Variants in IDO2 observed in about 807,000 individuals in gnomAD.
The protein encoded by IDO2 is indoleamine 2,3-dioxygenase-like 1 protein.
In IDO2, 46 loss-of-function variants were observed where a neutral mutation model predicts 45.1. That is an observed-to-expected ratio of 1.02 (90% CI 0.80 to 1.30). IDO2 has a LOEUF of 1.30. Ranked by LOEUF, IDO2 falls within the 50% of genes most tolerant of loss-of-function variation. The pLI, the probability that IDO2 is intolerant of heterozygous loss-of-function variation, is 0.00. For synonymous variants in IDO2, 218 were observed against 184.9 expected, an observed-to-expected ratio of 1.18 and a Z score of -1.45; for missense variants, 544 against 491.8, an observed-to-expected ratio of 1.11 and a Z score of -1.00.
At chr8:40,015,561 A>G in exon 11 of IDO2, 2 of 1,613,874 alleles carry the variant, frequency 1.2e-6, no homozygotes, top group Non-Finnish European at 1.7e-6. Flanking sequence ...TAAGAGTGTC[A>G]GGGATAAGAC....
At chr8:39,963,428 C>A (rs1808029241) in intron 2 of IDO2, among the ~76,000 whole-genome samples, 180 bp from the exon 3 acceptor site, 1 of 152,170 alleles carries the variant, frequency 6.6e-6, no homozygotes, top group African/African-American at 2.4e-5. Flanking sequence ...CAATATGCTC[C>A]TTAGTCATCT....
chr8:39,955,033 C>G (rs914127396), intron 2 of IDO2, among the ~76,000 whole-genome samples: 1 of 151,086 alleles, frequency 6.6e-6, no homozygotes, highest in Non-Finnish European at 1.5e-5. Context: ...ACCCTAAAGG[C>G]CTCATTTCAA....
At chr8:39,964,976 C>T (rs1278583604) in intron 3 of IDO2, among the ~76,000 whole-genome samples, 1 of 152,170 alleles carries the variant, frequency 6.6e-6, no homozygotes, top group Non-Finnish European at 1.5e-5. Context: ...CAAGGGAAGC[C>T]TGGAACAGTT....
In IDO2 at chr8:39,982,843, T is replaced by G. The variant is rs527667035; in HGVS notation, c.434+73T>G. On this transcript the variant is annotated intron_variant, in intron 5 of 10. Transcript: ENST00000502986. ...AAACACCCAGGCTTTTTTTTATAATTAGGGAAGTTCATATTTATGGTCTGC... is the reference window on the plus strand; with the variant it reads ...AAACACCCAGGCTTTTTTTTATAATGAGGGAAGTTCATATTTATGGTCTGC... The G allele has an allele frequency of 7.0e-5, 69 of 985,712 alleles. No homozygotes were observed. The African/African-American group carries it at 1.1e-3, about 16-fold the overall frequency. 61.1% of individuals were successfully genotyped at this position (985,712 alleles called of 1,614,324 possible). A position where few individuals can be genotyped will look rare whatever the true frequency, so the allele number is the denominator to read the frequency against.
intron 3 of IDO2, among the ~76,000 whole-genome samples, chr8:39,972,188 G>A (rs1047432987): frequency 2.6e-5 from 4 of 152,216 alleles, no homozygotes; most frequent in African/African-American, 9.6e-5. Context: ...TACTCGTGGT[G>A]AAAATACTGT....
intron 4 of IDO2, among the ~76,000 whole-genome samples, chr8:39,982,186 ATCTC>A (rs1269176098): frequency 6.6e-6 from 1 of 151,258 alleles, no homozygotes; most frequent in Non-Finnish European, 1.5e-5. Context: ...GCTAGCTATC[ATCTC>A]TCTATCATCT....
chr8:39,949,022 A>G, intron 1 of IDO2, 127 bp from the exon 2 acceptor site: 1 of 1,241,848 alleles, frequency 8.1e-7, no homozygotes. Flanking sequence ...ATGATCTGGA[A>G]TTCAACCTCA....
Position 39,949,256 on chromosome 8 carries a change from G to C in IDO2, c.91G>C (p.Asp31His), listed in dbSNP as rs747084870. 1.3e-5 allele frequency: 20 copies of C among 1,588,438 alleles called. No homozygotes were observed. Among genetic ancestry groups the C allele is most frequent in the Middle Eastern group, 1.7e-4 (1 of 6,056 alleles). Residue 31 changes from aspartate (D) to histidine (H), a missense_variant, in exon 2 of 11, where the codon GAT becomes CAT. By Grantham distance (81) the Asp-to-His change is moderately conservative. Transcript: ENST00000502986. ...TGAAGAGTATGGCTTTCTTCTTCCA[G>C]ATTCTCTGGTAAGGATAGAGCCTTG...
At chr8:39,967,056 A>C (rs947496617) in intron 3 of IDO2, among the ~76,000 whole-genome samples, 1 of 152,226 alleles carries the variant, frequency 6.6e-6, no homozygotes, top group Admixed American at 6.5e-5. Flanking sequence ...ATATAAACCT[A>C]ACAAATTCAG....
At chr8:39,993,724 C>G (rs991531062) in intron 8 of IDO2, among the ~76,000 whole-genome samples, 2 of 152,130 alleles carry the variant, frequency 1.3e-5, no homozygotes, top group Admixed American at 1.3e-4. Context: ...AAAAGATGTT[C>G]ACAGGCCAGA....
rs78850705 is a variant in IDO2, at chr8:39,982,919, G to T, written c.434+149G>T. On this transcript the variant is annotated intron_variant, in intron 5 of 10. Transcript: ENST00000502986. ...CTTGACCAAAAATTCAAATATCACA[G>T]GCCCCAGAAGTTTCCTCTTAATCCA... 0.025 allele frequency: 13,669 copies of T among 556,762 alleles called. 1,861 individuals carry two copies. The East Asian group carries it at 0.32, about 13-fold the overall frequency. 34.5% of individuals were successfully genotyped at this position (556,762 alleles called of 1,614,324 possible).
At chr8:39,999,363 T>A (rs1254030135) in intron 8 of IDO2, among the ~76,000 whole-genome samples, 1 of 142,566 alleles carries the variant, frequency 7.0e-6, no homozygotes, top group African/African-American at 2.6e-5. Flanking sequence ...CAATGCAACC[T>A]CTGCCTCTCG....
At chr8:39,954,623 T>C (rs1807861526) in intron 2 of IDO2, among the ~76,000 whole-genome samples, 1 of 150,696 alleles carries the variant, frequency 6.6e-6, no homozygotes, top group Non-Finnish European at 1.5e-5. Flanking sequence ...TTCTCCACTA[T>C]GCACAAATTC....
Position 39,947,171 on chromosome 8 carries a change from C to CAAA in IDO2, c.-17-1956_-17-1954dup, listed in dbSNP as rs55785952. Among the ~76,000 whole-genome samples the CAAA allele has an allele frequency of 3.9e-3, 308 of 79,764 alleles. 3 individuals carry two copies. Among genetic ancestry groups the CAAA allele is most frequent in the African/African-American group, 5.6e-3 (112 of 19,908 alleles). The allele number at this position is 79,764 out of a possible 152,430, so 52.3% of individuals were successfully genotyped here. ...AACTCTAGGACTAGAGCTAAGGTAT[C>CAAA]AAAAAAAAAAAAAAAAAAAAAAAAG... On this transcript the variant is annotated intron_variant, in intron 1 of 10. Coordinates refer to ENST00000502986, the Ensembl canonical transcript of IDO2.
In IDO2 at chr8:40,013,713, G is replaced by A. The variant is rs1257341656; in HGVS notation, c.868G>A (p.Gly290Ser). The A allele has an allele frequency of 5.0e-6, 8 of 1,599,158 alleles. No individual in the cohort carries two copies. In the African/African-American group the frequency reaches 1.1e-4, roughly 21 times the overall value. Residue 290 changes from glycine (G) to serine (S), a missense_variant and splice_region_variant, in exon 10 of 11, where the codon GGT becomes AGT. Physicochemically the swap from Gly to Ser is moderately conservative, Grantham distance 56. Transcript: ENST00000502986. Reference sequence around the variant, plus strand: ...AGGCATTCGTCATAGCAAGGAAAGTGGTAAGTCAGACATTTTGTTTTCCCT... The same window carrying A: ...AGGCATTCGTCATAGCAAGGAAAGTAGTAAGTCAGACATTTTGTTTTCCCT...
chr8:39,984,336 G>A (rs1225264928), intron 5 of IDO2, among the ~76,000 whole-genome samples: 1 of 152,120 alleles, frequency 6.6e-6, no homozygotes, highest in African/African-American at 2.4e-5. Context: ...TTAGCCAGGT[G>A]TGGCAGTGGG....
intron 2 of IDO2, among the ~76,000 whole-genome samples, chr8:39,962,395 A>T (rs1808012352): frequency 6.6e-6 from 1 of 152,208 alleles, no homozygotes; most frequent in African/African-American, 2.4e-5. Context: ...AAGTCCTACA[A>T]ATTTATCTTC....
intron 1 of IDO2, among the ~76,000 whole-genome samples, chr8:39,935,700 T>C (rs2129592778): frequency 6.6e-6 from 1 of 152,272 alleles, no homozygotes; most frequent in Non-Finnish European, 1.5e-5. Context: ...TCCACCTGCT[T>C]TGACCTCCCA....
intron 1 of IDO2, among the ~76,000 whole-genome samples, chr8:39,936,747 T>G (rs1035910977): frequency 1.3e-5 from 2 of 152,218 alleles, no homozygotes; most frequent in Non-Finnish European, 2.9e-5. Context: ...TGGAGTTGCT[T>G]TAGCCTCCAC....
Sources: allele counts gnomAD v4.1 joint callset (sites outside exome capture counted in the v4.1 genomes callset), GRCh38; gene constraint gnomAD v4.1.1; transcripts MANE v1.5; gene names NCBI Gene and HGNC (gene_info 2026-07-23, HGNC 2026-07-21).